CDH13: variants seen among roughly 807,000 people sequenced by gnomAD.
The protein encoded by CDH13 is cadherin-13.
Under a neutral mutation model 63.8 loss-of-function variants are expected in CDH13, and 24 were observed. The ratio of observed to expected loss-of-function variants is 0.38; its 90% confidence interval spans 0.27 to 0.53. The LOEUF is 0.53. Among genes scored for constraint, CDH13 ranks in the 20% least tolerant of loss-of-function variants. CDH13 has a pLI of 0.85. For synonymous variants in CDH13, 503 were observed against 355.3 expected (o/e 1.42, Z -4.67); for missense variants, 1,049 against 903.1 (o/e 1.16, Z -2.07).
intron 1 of CDH13, among the ~76,000 whole-genome samples, chr16:82,750,194 T>C (rs1200110197): frequency 3.3e-5 from 5 of 152,034 alleles, no homozygotes; most frequent in Non-Finnish European, 7.4e-5. Flanking sequence ...TAAACAGAAA[T>C]CAGGAAGCAG....
intron 2 of CDH13, among the ~76,000 whole-genome samples, chr16:82,987,665 C>A (rs1463636463): frequency 6.6e-6 from 1 of 152,226 alleles, no homozygotes; most frequent in Non-Finnish European, 1.5e-5. Flanking sequence ...GCATGAGCCA[C>A]TGTGCCAGGC....
At chr16:82,664,337 C>G (rs961115931) in intron 1 of CDH13, among the ~76,000 whole-genome samples, 2 of 152,204 alleles carry the variant, frequency 1.3e-5, no homozygotes, top group African/African-American at 4.8e-5. Flanking sequence ...AGGCTCCTGA[C>G]AGTGATTTGC....
In CDH13 at chr16:83,018,575, A is replaced by G. The variant is rs539686901; in HGVS notation, c.158-13435A>G. On this transcript the variant is annotated intron_variant, in intron 2 of 13. Coordinates refer to ENST00000567109, the MANE Select transcript of CDH13 (RefSeq NM_001257.5). ...CACCCAGAAGGAACTAGATCTTCCA[A>G]ATGGTAACCTGAATTGCTTTAGGCC... 7.9e-5 allele frequency among the ~76,000 whole-genome samples: 12 copies of G among 152,350 alleles called. No homozygotes were observed. In the East Asian group the frequency reaches 2.1e-3, roughly 27 times the overall value.
chr16:83,292,736 G>C (rs986857479), intron 5 of CDH13, among the ~76,000 whole-genome samples: 3 of 152,102 alleles, frequency 2.0e-5, no homozygotes, highest in African/African-American at 7.2e-5. Context: ...TTGTATTTGT[G>C]AATATCCTCA....
chr16:83,291,247 C>G (rs565845390), intron 5 of CDH13, among the ~76,000 whole-genome samples: 1 of 152,154 alleles, frequency 6.6e-6, no homozygotes, highest in South Asian at 2.1e-4. Context: ...CTTTGCTGCT[C>G]TTCCTCGAAG....
chr16:83,258,237 A>G (rs1303096997), intron 5 of CDH13, among the ~76,000 whole-genome samples: 1 of 152,256 alleles, frequency 6.6e-6, no homozygotes, highest in Non-Finnish European at 1.5e-5. Context: ...GTCTGGCTAT[A>G]TAAAAACATT....
chr16:83,610,974 T>A (rs1192225760), intron 8 of CDH13, among the ~76,000 whole-genome samples: 1 of 152,220 alleles, frequency 6.6e-6, no homozygotes, highest in Non-Finnish European at 1.5e-5. Flanking sequence ...TTTTGGTTTG[T>A]TATTATTTTT....
chr16:82,825,327 C>G (rs1219593677), intron 1 of CDH13: 1 of 152,126 alleles, frequency 6.6e-6, no homozygotes, highest in Non-Finnish European at 1.5e-5. Context: ...TTTCACAACC[C>G]GAATTCACCA....
intron 1 of CDH13, chr16:82,829,358 C>T (rs573092718): frequency 2.6e-5 from 4 of 152,260 alleles, no homozygotes; most frequent in Non-Finnish European, 4.4e-5. Flanking sequence ...GTTTGGGAGC[C>T]CTGTCTGCTT....
chr16:82,962,371 C>G (rs942611636), intron 2 of CDH13, among the ~76,000 whole-genome samples: 1 of 152,182 alleles, frequency 6.6e-6, no homozygotes, highest in Non-Finnish European at 1.5e-5. Context: ...CCTGCTGACA[C>G]CTTGATTTAG....
intron 6 of CDH13, among the ~76,000 whole-genome samples, chr16:83,419,488 C>T (rs1008963625): frequency 1.3e-5 from 2 of 152,196 alleles, no homozygotes; most frequent in Non-Finnish European, 2.9e-5. Context: ...ATCCTTAGAT[C>T]AGGAGTAAGA....
chr16:83,244,495 C>A (rs1165812842), intron 5 of CDH13, among the ~76,000 whole-genome samples: 1 of 152,182 alleles, frequency 6.6e-6, no homozygotes, highest in African/African-American at 2.4e-5. Flanking sequence ...CATACATTCT[C>A]TAAGTCTGTG....
At chr16:83,359,949 A>G (rs1314119467) in intron 6 of CDH13, among the ~76,000 whole-genome samples, 1 of 152,224 alleles carries the variant, frequency 6.6e-6, no homozygotes, top group Non-Finnish European at 1.5e-5. Flanking sequence ...GTCGTTCCTT[A>G]TAGTCTTAGG....
intron 6 of CDH13, among the ~76,000 whole-genome samples, chr16:83,383,456 G>C (rs981294027): frequency 1.3e-5 from 2 of 152,160 alleles, no homozygotes; most frequent in African/African-American, 4.8e-5. Flanking sequence ...TCACCTGCCA[G>C]TTCTTAGCTG....
intron 1 of CDH13, among the ~76,000 whole-genome samples, chr16:82,633,003 GA>G (rs1908205761): frequency 6.6e-6 from 1 of 152,174 alleles, no homozygotes; most frequent in African/African-American, 2.4e-5. Context: ...CGGCTGATCT[GA>G]CAGGAGGCAG....
chr16:82,672,968 C>T (rs931629891), intron 1 of CDH13, among the ~76,000 whole-genome samples: 9 of 144,534 alleles, frequency 6.2e-5, no homozygotes, highest in African/African-American at 1.8e-4. Context: ...GATTGCGTGC[C>T]ACCATGTATG....
intron 7 of CDH13, among the ~76,000 whole-genome samples, chr16:83,516,546 A>G (rs1254757730): frequency 1.3e-5 from 2 of 152,224 alleles, no homozygotes; most frequent in African/African-American, 2.4e-5. Flanking sequence ...GACTGCTTCA[A>G]AGGAGAGGTG....
intron 1 of CDH13, among the ~76,000 whole-genome samples, chr16:82,756,447 G>A (rs2034614915): frequency 6.6e-6 from 1 of 152,166 alleles, no homozygotes; most frequent in Non-Finnish European, 1.5e-5. Flanking sequence ...TCATGTGCAA[G>A]CTGCTCCTTT....
At chr16:82,775,174 A>C (rs144749290) in intron 1 of CDH13, among the ~76,000 whole-genome samples, 32 of 152,338 alleles carry the variant, frequency 2.1e-4, no homozygotes, top group Admixed American at 5.2e-4. Context: ...TACCTACTGC[A>C]TATAGTTGTG....
Sources: allele counts gnomAD v4.1 joint callset (sites outside exome capture counted in the v4.1 genomes callset), GRCh38; gene constraint gnomAD v4.1.1; transcripts MANE v1.5; gene names NCBI Gene and HGNC (gene_info 2026-07-23, HGNC 2026-07-21).